Variants in ZNF853 observed in about 807,000 individuals in gnomAD.
The protein encoded by ZNF853 is zinc finger protein 853.
In ZNF853, 57 loss-of-function variants were observed where a neutral mutation model predicts 94.7. That is an observed-to-expected ratio of 0.60 (90% CI 0.49 to 0.75). The LOEUF is 0.75. Among genes scored for constraint, ZNF853 ranks in the 30% least tolerant of loss-of-function variants. The pLI is 0.00. For synonymous variants in ZNF853, 448 were observed against 406.3 expected (o/e 1.10, Z -1.23); for missense variants, 785 against 868.9 (o/e 0.90, Z 1.21).
At position 6,621,310 on chromosome 7, in the gene ZNF853, G is replaced by A. The variant is rs1024697774; in HGVS notation, c.319G>A (p.Glu107Lys). The A allele has an allele frequency of 1.0e-5, 16 of 1,551,218 alleles. No homozygotes were observed. Among genetic ancestry groups the A allele is most frequent in the African/African-American group, 5.5e-5 (4 of 73,128 alleles). ...QPEPQQQPQH[E>K]QLQQPQPHLE... ...CGAGCCGCAGCAACAGCCGCAACAC[G>A]AGCAGCTGCAACAGCCGCAGCCACA... The change falls in exon 3 of 3, where the codon GAG (glutamate) becomes AAG (lysine). Residue 107 changes from glutamate (E) to lysine (K), a missense_variant. Glu to Lys is a moderately conservative substitution (Grantham distance 56). Coordinates refer to ENST00000457543, the MANE Select transcript of ZNF853 (RefSeq NM_017560.3).
Position 6,623,060 on chromosome 7 carries a change from A to G in ZNF853, c.*89A>G. The G allele has an allele frequency of 8.8e-7, 1 of 1,141,248 alleles. No homozygotes were observed. The highest frequency in any genetic ancestry group is 1.1e-6 in the Non-Finnish European group (1 of 904,738). 70.7% of individuals were successfully genotyped at this position (1,141,248 alleles called of 1,614,324 possible). Reference sequence around the variant, plus strand: ...CTTGACCCGGGTTCATGGGCGCTGGAGGCGTCCTGGAATATCCCTGGAGTA... The same window carrying G: ...CTTGACCCGGGTTCATGGGCGCTGGGGGCGTCCTGGAATATCCCTGGAGTA... On this transcript the variant is annotated 3_prime_UTR_variant, in exon 3 of 3. Coordinates refer to ENST00000457543, the MANE Select transcript of ZNF853 (RefSeq NM_017560.3).
rs1782620030 is a variant in ZNF853 at position 6,621,892 on chromosome 7, C to G, written c.901C>G (p.Gln301Glu). Reference protein sequence around the residue: ...QQQLLQQQQEQLQQQQLQPPP... With the variant: ...QQQLLQQQQEELQQQQLQPPP... ...GCAGCTGTTGCAACAGCAGCAGGAACAATTGCAGCAGCAACAACTGCAGCC... is the reference window on the plus strand; with the variant it reads ...GCAGCTGTTGCAACAGCAGCAGGAAGAATTGCAGCAGCAACAACTGCAGCC... The change falls in exon 3 of 3, where the codon CAA (glutamine) becomes GAA (glutamate). Residue 301 changes from glutamine (Q) to glutamate (E), a missense_variant. Gln to Glu is a conservative substitution (Grantham distance 29). Transcript: ENST00000457543. The G allele has an allele frequency of 6.4e-7, 1 of 1,550,956 alleles. No homozygotes were observed. Among genetic ancestry groups the G allele is most frequent in the African/African-American group, 1.4e-5 (1 of 73,172 alleles).
intron 2 of ZNF853, among the ~76,000 whole-genome samples, chr7:6,618,951 C>T: frequency 1.5e-4 from 23 of 152,032 alleles, no homozygotes; most frequent in African/African-American, 5.1e-4. Flanking sequence ...AAAGCACGCT[C>T]ACGGATCTGT....
intron 1 of ZNF853, among the ~76,000 whole-genome samples, chr7:6,616,466 G>A: frequency 6.6e-6 from 1 of 152,208 alleles, no homozygotes; most frequent in African/African-American, 2.4e-5. Context: ...GGCGCCAGGC[G>A]CAGTGGCTCA....
In ZNF853 at chr7:6,623,244, G is replaced by C. The variant is rs796543253; in HGVS notation, c.*273G>C. On this transcript the variant is annotated 3_prime_UTR_variant, in exon 3 of 3. Transcript: ENST00000457543. ...CGTTTGTCTGCCCTTTGAGGGGTCT[G>C]CCAAAGGTTTTCCCTCCGGGAAAAC... The C allele has an allele frequency of 5.7e-5, 23 of 401,126 alleles. No individual in the cohort carries two copies. Among genetic ancestry groups the C allele is most frequent in the African/African-American group, 4.3e-4 (21 of 48,790 alleles). 24.8% of individuals were successfully genotyped at this position (401,126 alleles called of 1,614,324 possible).
intron 1 of ZNF853, among the ~76,000 whole-genome samples, 185 bp from the exon 2 acceptor site, chr7:6,617,005 G>A: frequency 1.3e-5 from 2 of 152,170 alleles, no homozygotes; most frequent in African/African-American, 4.8e-5. Flanking sequence ...CCAGTCCTGA[G>A]CCTCCAGGCC....
chr7:6,619,607 A>C, intron 2 of ZNF853, among the ~76,000 whole-genome samples: 1 of 151,906 alleles, frequency 6.6e-6, no homozygotes. Flanking sequence ...TTCTTGGAAA[A>C]ATGGCCAGAA....
In ZNF853 at chr7:6,616,158, C is replaced by G; in HGVS notation, c.-17C>G. On this transcript the variant is annotated 5_prime_UTR_variant, in exon 1 of 3. Transcript: ENST00000457543. Reference sequence around the variant, plus strand: ...TGACCACACCTCCCTAGCGCAGAGGCTGCCCGGGAGCAGGAAATGCTCCAC... The same window carrying G: ...TGACCACACCTCCCTAGCGCAGAGGGTGCCCGGGAGCAGGAAATGCTCCAC... The G allele has an allele frequency of 6.5e-7, 1 of 1,547,644 alleles. No homozygotes were observed. Among genetic ancestry groups the G allele is most frequent in the Non-Finnish European group, 8.7e-7 (1 of 1,144,802 alleles).
chr7:6,621,538 C>T lies in ZNF853; in HGVS notation c.547C>T (p.Gln183Ter). 1 of 1,551,622 alleles carries T rather than the reference C, an allele frequency of 6.4e-7. No individual in the cohort carries two copies. Among genetic ancestry groups the T allele is most frequent in the Non-Finnish European group, 8.7e-7 (1 of 1,146,950 alleles). The change falls in exon 3 of 3, where the codon CAA becomes TAA. Residue 183 changes from glutamine to a stop codon, truncating the protein, a stop_gained. Coordinates refer to ENST00000457543, the MANE Select transcript of ZNF853 (RefSeq NM_017560.3). LOFTEE classifies it high-confidence loss of function. Reference sequence around the variant, plus strand: ...GGAGCAGTTACAGACGCAGCAAGCACAAGAGCAACAGGTATTGCAGCAGCA... The same window carrying T: ...GGAGCAGTTACAGACGCAGCAAGCATAAGAGCAACAGGTATTGCAGCAGCA... The part of the protein sequence containing the change: ...QQEQLQTQQA[Q>*]EQQVLQQQEQ...
At chr7:6,616,528 C>A in intron 1 of ZNF853, among the ~76,000 whole-genome samples, 1 of 152,012 alleles carries the variant, frequency 6.6e-6, no homozygotes, top group African/African-American at 2.4e-5. Context: ...TCGCCTGAGG[C>A]CAGGAGTTCG....
Position 6,616,141 on chromosome 7 carries a change from C to A in ZNF853, c.-34C>A. On this transcript the variant is annotated 5_prime_UTR_variant, in exon 1 of 3. Coordinates refer to ENST00000457543, the MANE Select transcript of ZNF853 (RefSeq NM_017560.3). ...CACCTCGCAGCCTCTGCTGACCACA[C>A]CTCCCTAGCGCAGAGGCTGCCCGGG... is the stretch of plus-strand genomic sequence containing the variant. The A allele has an allele frequency of 1.3e-6, 2 of 1,544,806 alleles. No homozygotes were observed. Among genetic ancestry groups the A allele is most frequent in the South Asian group, 1.2e-5 (1 of 83,600 alleles).
rs775754707 is a variant in ZNF853, at chr7:6,621,592, C to A, written c.601C>A (p.Gln201Lys). Residue 201 changes from glutamine (Q) to lysine (K), a missense_variant, in exon 3 of 3, where the codon CAA becomes AAA. By Grantham distance (53) the Gln-to-Lys change is moderately conservative. Coordinates refer to ENST00000457543, the MANE Select transcript of ZNF853 (RefSeq NM_017560.3). ...ACAGCTACAGCAGCAAGTGCAAGAG[C>A]AACAGCTGTTACAGCAACAGCAGGA... ...QEQLQQQVQE[Q>K]QLLQQQQEQL... 3 of 1,551,470 alleles carry A rather than the reference C, an allele frequency of 1.9e-6. No individual in the cohort carries two copies. In the Admixed American group the frequency reaches 5.9e-5, roughly 30 times the overall value.
chr7:6,622,775 G>C lies in ZNF853; in HGVS notation c.1784G>C (p.Arg595Pro). 4 of 1,542,422 alleles carry C rather than the reference G, an allele frequency of 2.6e-6. No individual in the cohort carries two copies. Among genetic ancestry groups the C allele is most frequent in the Non-Finnish European group, 3.5e-6 (4 of 1,147,524 alleles). ...CACCGGCGCACGCACTCGGGCGAGC[G>C]GCCCTACGTGTGCGAGGACTGTGGC... ...LRHRRTHSGERPYVCEDCGER... is the reference protein window; with the variant it reads ...LRHRRTHSGEPPYVCEDCGER... Residue 595 changes from arginine (R) to proline (P), a missense_variant, in exon 3 of 3, where the codon CGG (arginine) becomes CCG (proline). Physicochemically the swap from Arg to Pro is moderately radical, Grantham distance 103 (BLOSUM62 -2). Transcript: ENST00000457543.
Position 6,622,376 on chromosome 7 carries a change from G to A in ZNF853, c.1385G>A (p.Gly462Asp), listed in dbSNP as rs1456252323. 2 of 1,402,834 alleles carry A rather than the reference G, an allele frequency of 1.4e-6. No individual in the cohort carries two copies. The highest frequency in any genetic ancestry group is 1.5e-5 in the African/African-American group (1 of 64,662). 86.9% of individuals were successfully genotyped at this position (1,402,834 alleles called of 1,614,324 possible). A position where few individuals can be genotyped will look rare whatever the true frequency, so the allele number is the denominator to read the frequency against. The change falls in exon 3 of 3, where the codon GGC becomes GAC. Residue 462 changes from glycine to aspartate, a missense_variant. Physicochemically the swap from Gly to Asp is moderately conservative, Grantham distance 94. Transcript: ENST00000457543. ...VAAPAVVAIP[G>D]PAGSAALTPA... is the part of the protein sequence containing the mutation. ...GCGCCGGCCGTGGTGGCCATCCCGG[G>A]CCCGGCAGGCAGCGCGGCGTTGACC...
intron 1 of ZNF853, 79 bp downstream of exon 1, chr7:6,616,265 G>A: frequency 1.0e-5 from 15 of 1,431,694 alleles, no homozygotes; most frequent in South Asian, 5.1e-5. Context: ...GGCACGAGTC[G>A]GCCTGTTTAG....
chr7:6,619,032 A>ATT lies in ZNF853; in HGVS notation c.130+1749_130+1750dup. Among the ~76,000 whole-genome samples the ATT allele has an allele frequency of 2.2e-3, 192 of 86,874 alleles. 6 individuals carry two copies. Among genetic ancestry groups the ATT allele is most frequent in the African/African-American group, 7.1e-3 (151 of 21,130 alleles). The allele number at this position is 86,874 out of a possible 152,430, so 57.0% of individuals were successfully genotyped here. A position where few individuals can be genotyped will look rare whatever the true frequency, so the allele number is the denominator to read the frequency against. ...TATGCATACAGATCTCCCTTGGTGG[A>ATT]TTTTTTTTTTTTTTTTTTTTTTTTT... On this transcript the variant is annotated intron_variant, in intron 2 of 2. Coordinates refer to ENST00000457543, the MANE Select transcript of ZNF853 (RefSeq NM_017560.3).
Position 6,622,795 on chromosome 7 carries a change from T to C in ZNF853, c.1804T>C (p.Cys602Arg). 1.3e-6 allele frequency: 2 copies of C among 1,535,976 alleles called. No homozygotes were observed. Among genetic ancestry groups the C allele is most frequent in the Non-Finnish European group, 1.7e-6 (2 of 1,145,132 alleles). Residue 602 changes from cysteine (C) to arginine (R), a missense_variant, in exon 3 of 3, where the codon TGT becomes CGT. Coordinates refer to ENST00000457543, the MANE Select transcript of ZNF853 (RefSeq NM_017560.3). ...SGERPYVCEDCGERFRHKVQI... is the reference protein window; with the variant it reads ...SGERPYVCEDRGERFRHKVQI... ...CGAGCGGCCCTACGTGTGCGAGGAC[T>C]GTGGCGAGCGCTTCCGACACAAGGT...
rs1228045376 is a variant in ZNF853 at position 6,622,175 on chromosome 7, C to T, written c.1184C>T (p.Ala395Val). The change falls in exon 3 of 3, where the codon GCC becomes GTC. Residue 395 changes from alanine (A) to valine (V), a missense_variant. Physicochemically the swap from Ala to Val is moderately conservative, Grantham distance 64 (BLOSUM62 0). Transcript: ENST00000457543. ...GAGCTGACCCCGGTGGAGCTAGGCG[C>T]CCAGCAGCAGGAGGTGCAGCTGGAG... ...QLELTPVELG[A>V]QQQEVQLELT... 1 of 1,539,948 alleles carries T rather than the reference C, an allele frequency of 6.5e-7. No individual in the cohort carries two copies. The highest frequency in any genetic ancestry group is 2.0e-5 in the Admixed American group (1 of 50,966).
chr7:6,620,675 A>G, intron 2 of ZNF853, among the ~76,000 whole-genome samples: 1 of 151,798 alleles, frequency 6.6e-6, no homozygotes, highest in Non-Finnish European at 1.5e-5. Flanking sequence ...AGGCTGGAGC[A>G]CAGTGGTGTG....
Sources: gnomAD v4.1 joint callset for allele counts (sites outside exome capture counted in the v4.1 genomes callset) on GRCh38, gnomAD v4.1.1 for gene constraint, MANE v1.5 for transcripts, NCBI Gene and HGNC (gene_info 2026-07-23, HGNC 2026-07-21) for gene names.